LPAR6: variants seen among roughly 807,000 people sequenced by gnomAD.
LPAR6 encodes the protein lysophosphatidic acid receptor 6.
A neutral mutation model predicts 22.0 loss-of-function variants in LPAR6; 17 were observed. The observed-to-expected ratio is 0.77, with a 90% CI of 0.53 to 1.16. The LOEUF (loss-of-function observed/expected upper bound fraction) is 1.16, where lower values mean the gene tolerates loss of function less well. Among genes scored for constraint, LPAR6 ranks in the 50% most tolerant of loss-of-function variants. The pLI is 0.00. For synonymous variants in LPAR6, 136 were observed against 139.8 expected (o/e 0.97, Z 0.19); for missense variants, 384 against 406.9 (o/e 0.94, Z 0.48).
chr13:48,414,732 ATAATC>A (rs1948878281), upstream of LPAR6, among the ~76,000 whole-genome samples: 1 of 152,216 alleles, frequency 6.6e-6, no homozygotes, highest in Admixed American at 6.5e-5. Context: ...TTGATGAACT[ATAATC>A]TATTTCTACT....
chr13:48,424,833 T>A (rs998701961), intron 1 of LPAR6, among the ~76,000 whole-genome samples: 1 of 152,028 alleles, frequency 6.6e-6, no homozygotes, highest in Admixed American at 6.6e-5. Flanking sequence ...CGGGCAGACC[T>A]CTTGAGGTCA....
At chr13:48,425,908 G>T (rs1030910655) in intron 1 of LPAR6, among the ~76,000 whole-genome samples, 1 of 152,166 alleles carries the variant, frequency 6.6e-6, no homozygotes, top group Non-Finnish European at 1.5e-5. Context: ...GTTGTGACTT[G>T]CTTAGGATTA....
chr13:48,425,538 T>C (rs563434213), intron 1 of LPAR6, among the ~76,000 whole-genome samples: 29 of 152,290 alleles, frequency 1.9e-4, no homozygotes, highest in Admixed American at 7.8e-4. Context: ...CCAATTTCAC[T>C]AGGTGTTAAG....
chr13:48,424,311 T>A (rs1244088804), intron 1 of LPAR6, among the ~76,000 whole-genome samples: 3 of 152,238 alleles, frequency 2.0e-5, no homozygotes, highest in Non-Finnish European at 2.9e-5. Flanking sequence ...CTTTCATTAT[T>A]GTAAACACTT....
intron 1 of LPAR6, among the ~76,000 whole-genome samples, chr13:48,401,605 C>A (rs1229101074): frequency 6.6e-6 from 1 of 152,298 alleles, no homozygotes; most frequent in Admixed American, 6.5e-5. Context: ...TCTGTTTCAA[C>A]ATACACATTT....
At chr13:48,410,814 A>G (rs1436031426), downstream of LPAR6, among the ~76,000 whole-genome samples, 2 of 152,176 alleles carry the variant, frequency 1.3e-5, no homozygotes, top group African/African-American at 2.4e-5. Context: ...AATGTTATCA[A>G]TGTGTTACTG....
downstream of LPAR6, chr13:48,406,510 T>C (rs1948741347): frequency 6.6e-6 from 1 of 152,226 alleles, no homozygotes; most frequent in Non-Finnish European, 1.5e-5. Context: ...CAAATGCATC[T>C]CTACCCTGTA....
At chr13:48,401,911 C>G (rs1163329564) in intron 1 of LPAR6, among the ~76,000 whole-genome samples, 2 of 152,130 alleles carry the variant, frequency 1.3e-5, no homozygotes, top group Non-Finnish European at 2.9e-5. Context: ...TAACATAAAT[C>G]TGTCTTGCTA....
chr13:48,420,122 G>T (rs565158612), intron 2 of LPAR6, among the ~76,000 whole-genome samples: 22 of 152,058 alleles, frequency 1.4e-4, no homozygotes, highest in Non-Finnish European at 5.9e-5. Context: ...GATGAATATC[G>T]ACGTGAAAAC....
upstream of LPAR6, among the ~76,000 whole-genome samples, chr13:48,431,230 T>C (rs1949126674): frequency 6.6e-6 from 1 of 152,198 alleles, no homozygotes. Context: ...TTCTCAGTTT[T>C]AGGTACCCAA....
At chr13:48,402,686 T>C (rs1204457165) in intron 1 of LPAR6, among the ~76,000 whole-genome samples, 1 of 152,160 alleles carries the variant, frequency 6.6e-6, no homozygotes, top group African/African-American at 2.4e-5. Context: ...ACAGAAACTA[T>C]TTATATGTGT....
At chr13:48,389,655 CTA>C (rs1948596862) in exon 2 of LPAR6, 1 of 152,130 alleles carries the variant, frequency 6.6e-6, no homozygotes, top group Non-Finnish European at 1.5e-5. Context: ...TTGTCTCCGA[CTA>C]TGTGTCAGCA....
rs1350341210 is a variant in LPAR6, at chr13:48,411,551, G to A, written c.873C>T (p.Tyr291=). Residue 291 remains tyrosine (Y), a synonymous_variant, in exon 1 of 1, where the codon TAC becomes TAT. Coordinates refer to ENST00000620633, the MANE Select transcript of LPAR6 (RefSeq NM_001162498.3). ...VSNCCFDPIV[Y]YFTSDTIQNS... Reference sequence around the variant, plus strand: ...TCTGAATTGTGTCCGATGTAAAGTAGTAAACTATAGGGTCAAAACAACAGT... The same window carrying A: ...TCTGAATTGTGTCCGATGTAAAGTAATAAACTATAGGGTCAAAACAACAGT... The A allele has an allele frequency of 6.2e-7, 1 of 1,613,746 alleles. No homozygotes were observed. The highest frequency in any genetic ancestry group is 8.5e-7 in the Non-Finnish European group (1 of 1,179,846).
At chr13:48,405,729 A>G (rs938706402) in intron 1 of LPAR6, among the ~76,000 whole-genome samples, 1 of 152,244 alleles carries the variant, frequency 6.6e-6, no homozygotes, top group East Asian at 1.9e-4. Context: ...AACTATACAA[A>G]AAGGTATAAT....
intron 1 of LPAR6, chr13:48,444,548 C>T (rs376907855): frequency 6.6e-6 from 1 of 152,374 alleles, no homozygotes; most frequent in South Asian, 2.1e-4. Context: ...AGGAAACACA[C>T]TTACCGGTTT....
intron 1 of LPAR6, among the ~76,000 whole-genome samples, chr13:48,435,381 C>A (rs1949172942): frequency 1.3e-5 from 2 of 152,048 alleles, no homozygotes; most frequent in Admixed American, 1.3e-4. Context: ...GGTGAAATTT[C>A]TCTTCATGTC....
At chr13:48,408,781 A>G (rs1254805985), downstream of LPAR6, 2 of 152,148 alleles carry the variant, frequency 1.3e-5, no homozygotes, top group Non-Finnish European at 2.9e-5. Flanking sequence ...TTGACAAGAG[A>G]CACCAAAAAG....
At position 48,411,538 on chromosome 13, in the gene LPAR6, C is replaced by A. The variant is rs1948801446; in HGVS notation, c.886G>T (p.Asp296Tyr). ...ATTTTTATTGAATTCTGAATTGTGT[C>A]CGATGTAAAGTAGTAAACTATAGGG... ...FDPIVYYFTS[D>Y]TIQNSIKMKN... Residue 296 changes from aspartate to tyrosine, a missense_variant, in exon 1 of 1, where the codon GAC (aspartate) becomes TAC (tyrosine). Asp to Tyr is a radical substitution (Grantham distance 160). Coordinates refer to ENST00000620633, the MANE Select transcript of LPAR6 (RefSeq NM_001162498.3). The A allele has an allele frequency of 1.9e-6, 3 of 1,613,408 alleles. No homozygotes were observed. The highest frequency in any genetic ancestry group is 1.3e-5 in the African/African-American group (1 of 74,940).
upstream of LPAR6, chr13:48,429,407 T>A (rs1949107696): frequency 6.6e-6 from 1 of 152,142 alleles, no homozygotes; most frequent in Non-Finnish European, 1.5e-5. Context: ...TATGGTGACC[T>A]CCTGGGAGCA....
Sources: allele counts gnomAD v4.1 joint callset (sites outside exome capture counted in the v4.1 genomes callset), GRCh38; gene constraint gnomAD v4.1.1; transcripts MANE v1.5; gene names NCBI Gene and HGNC (gene_info 2026-07-23, HGNC 2026-07-21).